Variants in C7 observed in about 807,000 individuals in gnomAD.
C7 encodes complement component C7.
Under a neutral mutation model 104.8 loss-of-function variants are expected in C7, and 83 were observed. The observed-to-expected ratio is 0.79, with a 90% CI of 0.66 to 0.95. The LOEUF is 0.95. Among genes scored for constraint, C7 ranks in the 40% least tolerant of loss-of-function variants. The pLI is 0.00. For missense variants in C7, 1,070 were observed against 1,011.2 expected (o/e 1.06, Z -0.79); for synonymous variants, 415 against 360.6 (o/e 1.15, Z -1.71).
At chr5:40,960,775 T>G (rs1459095497) in intron 12 of C7, among the ~76,000 whole-genome samples, 1 of 152,214 alleles carries the variant, frequency 6.6e-6, no homozygotes, top group Non-Finnish European at 1.5e-5. Flanking sequence ...CCCAGGCTAT[T>G]TGTACTGCTT....
chr5:40,915,515 T>C (rs2111610753), intron 1 of C7, among the ~76,000 whole-genome samples: 1 of 152,302 alleles, frequency 6.6e-6, no homozygotes, highest in Non-Finnish European at 1.5e-5. Context: ...TGAGATAGGC[T>C]TTCCCAGGGA....
chr5:40,969,381 C>G (rs1236546150), intron 14 of C7, among the ~76,000 whole-genome samples: 1 of 151,922 alleles, frequency 6.6e-6, no homozygotes, highest in Non-Finnish European at 1.5e-5. Flanking sequence ...TTAGGTAAGT[C>G]TGTTACTGTA....
chr5:40,973,669 T>C (rs1336049306), intron 15 of C7, among the ~76,000 whole-genome samples: 2 of 152,218 alleles, frequency 1.3e-5, no homozygotes, highest in Non-Finnish European at 2.9e-5. Flanking sequence ...TTGTGTTCTG[T>C]AAACACTGAA....
At chr5:40,954,973 G>T in intron 9 of C7, 1 of 227,478 alleles carries the variant, frequency 4.4e-6, no homozygotes, top group Non-Finnish European at 8.4e-6. Context: ...CAGCACAATT[G>T]AGTGCAAAAT....
chr5:40,913,425 A>T (rs1457605967), intron 1 of C7, among the ~76,000 whole-genome samples: 5 of 152,102 alleles, frequency 3.3e-5, no homozygotes. Context: ...CACCAATAGT[A>T]TATATTGGTG....
In C7 at chr5:40,947,855, TA is replaced by T. The variant is rs773450334; in HGVS notation, c.982+16del. ...AAATTAAAACAAAATGGTACAGTAT[TA>T]AAAAATTCGTTGTCTAAAGGCATTT... On this transcript the variant is annotated intron_variant, in intron 8 of 17. Coordinates refer to ENST00000313164, the MANE Select transcript of C7 (RefSeq NM_000587.4). 79 of 1,610,014 alleles carry T rather than the reference TA, an allele frequency of 4.9e-5. No homozygotes were observed. Among genetic ancestry groups the T allele is most frequent in the Admixed American group, 6.8e-5 (4 of 59,232 alleles).
intron 14 of C7, among the ~76,000 whole-genome samples, chr5:40,969,820 T>C (rs1740654925): frequency 6.6e-6 from 1 of 152,080 alleles, no homozygotes; most frequent in Non-Finnish European, 1.5e-5. Flanking sequence ...TGTTACCAAA[T>C]GTAAATGTAA....
chr5:40,955,766 T>C (rs548424223), intron 10 of C7, among the ~76,000 whole-genome samples: 1 of 152,350 alleles, frequency 6.6e-6, no homozygotes, highest in South Asian at 2.1e-4. Flanking sequence ...ATGTTAAATG[T>C]CTTGCAATTT....
At position 40,934,446 on chromosome 5, in the gene C7, A is replaced by G. The variant is rs1739767153; in HGVS notation, c.260A>G (p.Glu87Gly). The change falls in exon 4 of 18, where the codon GAG becomes GGG. Residue 87 changes from glutamate to glycine, a missense_variant. By Grantham distance (98) the Glu-to-Gly change is moderately conservative. Transcript: ENST00000313164. Reference sequence around the variant, plus strand: ...TGTCCAACAGAGGAGGGATGTGGAGAGCGTTTCAGGTGCTTTTCAGGTAAC... The same window carrying G: ...TGTCCAACAGAGGAGGGATGTGGAGGGCGTTTCAGGTGCTTTTCAGGTAAC... Reference protein sequence around the residue: ...RGCPTEEGCGERFRCFSGQCI... With the variant: ...RGCPTEEGCGGRFRCFSGQCI... 1 of 1,613,710 alleles carries G rather than the reference A, an allele frequency of 6.2e-7. No homozygotes were observed. Among genetic ancestry groups the G allele is most frequent in the Non-Finnish European group, 8.5e-7 (1 of 1,179,680 alleles).
Position 40,962,097 on chromosome 5 carries a change from A to G in C7, c.1674A>G (p.Pro558=), listed in dbSNP as rs1340467206. 1 of 1,545,724 alleles carries G rather than the reference A, an allele frequency of 6.5e-7. No individual in the cohort carries two copies. Among genetic ancestry groups the G allele is most frequent in the South Asian group, 1.3e-5 (1 of 79,586 alleles). The change falls in exon 13 of 18, where the codon CCA becomes CCG. Residue 558 remains proline (P), a synonymous_variant. Transcript: ENST00000313164. ...TTTTTCCTTCCAGGTTGCTTGAACC[A>G]CATTGCTTTCCTTTGTCTTTGGTTC... ...EELEHLRLLE[P]HCFPLSLVPT...
intron 11 of C7, among the ~76,000 whole-genome samples, 180 bp downstream of exon 11, chr5:40,958,441 A>G (rs576189778): frequency 1.0e-3 from 153 of 152,196 alleles, no homozygotes; most frequent in African/African-American, 3.5e-3. Flanking sequence ...CTTTGCTGTT[A>G]TCTCTATTTA....
intron 1 of C7, among the ~76,000 whole-genome samples, chr5:40,923,200 A>T (rs755696626): frequency 3.3e-5 from 5 of 152,182 alleles, no homozygotes; most frequent in Admixed American, 6.5e-5. Flanking sequence ...AGACATACAA[A>T]TGGCTAACAG....
chr5:40,940,969 T>C (rs2597738), intron 6 of C7, among the ~76,000 whole-genome samples: 69,677 of 151,848 alleles, frequency 0.46, 16,623 homozygotes, highest in African/African-American at 0.61. Flanking sequence ...TGAATATCTC[T>C]ATATCTATAT....
intron 1 of C7, among the ~76,000 whole-genome samples, chr5:40,923,280 T>C (rs906449174): frequency 6.6e-6 from 1 of 152,190 alleles, no homozygotes; most frequent in African/African-American, 2.4e-5. Context: ...AAGAAATACC[T>C]GAGACTGGGT....
At chr5:40,967,117 G>A (rs561194955) in intron 14 of C7, among the ~76,000 whole-genome samples, 1 of 150,444 alleles carries the variant, frequency 6.6e-6, no homozygotes, top group African/African-American at 2.5e-5. Context: ...CCAGGCTGGA[G>A]TGCAGTGGCG....
At chr5:40,931,282 T>C (rs1171380583) in intron 3 of C7, 143 bp downstream of exon 3, 1 of 642,360 alleles carries the variant, frequency 1.6e-6, no homozygotes, top group Non-Finnish European at 2.8e-6. Context: ...GGGAGAAAAG[T>C]ATGACTTGTT....
intron 6 of C7, among the ~76,000 whole-genome samples, chr5:40,942,374 C>T (rs1279011497): frequency 6.6e-6 from 1 of 151,884 alleles, no homozygotes; most frequent in Non-Finnish European, 1.5e-5. Context: ...TTGAAGAAGT[C>T]AGAGAGAATG....
At position 40,949,917 on chromosome 5, in the gene C7, C is replaced by T. The variant is rs193145035; in HGVS notation, c.996C>T (p.Val332=). Residue 332 remains valine, a synonymous_variant, in exon 9 of 18, where the codon GTC becomes GTT. Coordinates refer to ENST00000313164, the MANE Select transcript of C7 (RefSeq NM_000587.4). ...TTTCTCCCCTAGATTTTAATTCAGT[C>T]GAAGAAAAGAAATGTAAATCCTCAG... is the stretch of plus-strand genomic sequence containing the variant. ...EKLKQNDFNS[V]EEKKCKSSGW... 150 of 1,583,082 alleles carry T rather than the reference C, an allele frequency of 9.5e-5. No homozygotes were observed. The East Asian group carries it at 2.9e-3, about 30-fold the overall frequency.
At chr5:40,972,900 TTTTG>T (rs970721890) in intron 15 of C7, among the ~76,000 whole-genome samples, 13 of 152,202 alleles carry the variant, frequency 8.5e-5, no homozygotes, top group Admixed American at 3.3e-4. Context: ...AAAATCTGTT[TTTTG>T]TTTGTTTGTT....
Sources: gnomAD v4.1 joint callset for allele counts (sites outside exome capture counted in the v4.1 genomes callset) on GRCh38, gnomAD v4.1.1 for gene constraint, MANE v1.5 for transcripts, NCBI Gene and HGNC (gene_info 2026-07-23, HGNC 2026-07-21) for gene names.